Variants in TRAM1 observed in about 807,000 individuals in gnomAD.
The protein encoded by TRAM1 is translocation associated membrane protein 1, also known as translocating chain-associated membrane protein 1.
Under a neutral mutation model 48.7 loss-of-function variants are expected in TRAM1, and 17 were observed. The observed-to-expected ratio is 0.35, with a 90% confidence interval of 0.24 to 0.52. The LOEUF is 0.52. Among genes scored for constraint, TRAM1 ranks in the 20% least tolerant of loss-of-function variants. The pLI is 0.94. For missense variants in TRAM1, 351 were observed against 441.5 expected, an observed-to-expected ratio of 0.79 and a Z score of 1.84; for synonymous variants, 182 against 154.0, an observed-to-expected ratio of 1.18 and a Z score of -1.34.
intron 10 of TRAM1, among the ~76,000 whole-genome samples, chr8:70,575,625 G>A (rs542220909): frequency 1.2e-4 from 19 of 152,146 alleles, no homozygotes; most frequent in Admixed American, 5.2e-4. Flanking sequence ...ATGGAGTAGC[G>A]TATGTGTGAC....
intron 6 of TRAM1, among the ~76,000 whole-genome samples, chr8:70,589,711 G>T (rs1020228232): frequency 6.6e-6 from 1 of 152,094 alleles, no homozygotes; most frequent in Non-Finnish European, 1.5e-5. Flanking sequence ...AGTGGTGCAT[G>T]CCTGTACTTC....
intron 5 of TRAM1, 91 bp from the exon 6 acceptor site, chr8:70,594,681 T>C (rs1437249773): frequency 2.0e-6 from 2 of 975,874 alleles, no homozygotes; most frequent in Non-Finnish European, 3.0e-6. Context: ...ATATACTAAG[T>C]AACTACCTTT....
At chr8:70,595,038 GT>G (rs11464494) in intron 5 of TRAM1, among the ~76,000 whole-genome samples, 10,323 of 146,016 alleles carry the variant, frequency 0.071, 399 homozygotes, top group Non-Finnish European at 0.079. Flanking sequence ...AATATCCTCT[GT>G]TTTTTTTTTT....
intron 10 of TRAM1, among the ~76,000 whole-genome samples, 164 bp from the exon 11 acceptor site, chr8:70,575,169 AAC>A (rs1349959107): frequency 1.3e-5 from 2 of 152,222 alleles, no homozygotes; most frequent in African/African-American, 4.8e-5. Flanking sequence ...TAACATTTTT[AAC>A]ACAATGAACT....
rs1817137910 is a variant in TRAM1, at chr8:70,583,765, A to G, written c.775T>C (p.Leu259=). Residue 259 remains leucine, a synonymous_variant, in exon 9 of 11, where the codon TTG becomes CTG. Coordinates refer to ENST00000262213, the MANE Select transcript of TRAM1 (RefSeq NM_014294.6). ...GFSLWAVLFV[L]GRLLTLILSV... is the part of the protein sequence containing the mutation. ...AGAATTAAAGTCAGAAGTCTTCCCA[A>G]AACAAAAAGAACTGCCCACAGAGAA... The G allele has an allele frequency of 1.9e-6, 3 of 1,572,312 alleles. No individual in the cohort carries two copies. Among genetic ancestry groups the G allele is most frequent in the Admixed American group, 4.0e-5 (2 of 49,912 alleles).
intron 1 of TRAM1, among the ~76,000 whole-genome samples, chr8:70,603,117 A>G (rs1266806168): frequency 6.6e-6 from 1 of 152,164 alleles, no homozygotes; most frequent in Non-Finnish European, 1.5e-5. Flanking sequence ...GGTCATTAAC[A>G]AGGACTCATT....
intron 10 of TRAM1, among the ~76,000 whole-genome samples, chr8:70,575,528 C>T (rs900876438): frequency 6.6e-6 from 1 of 152,006 alleles, no homozygotes; most frequent in Non-Finnish European, 1.5e-5. Context: ...CAGTGATGCT[C>T]CCGGGGACCT....
Position 70,586,884 on chromosome 8 carries a change from A to T in TRAM1, c.746+11T>A. The T allele has an allele frequency of 6.2e-7, 1 of 1,609,694 alleles. No homozygotes were observed. Among genetic ancestry groups the T allele is most frequent in the Non-Finnish European group, 8.5e-7 (1 of 1,176,280 alleles). ...CTAGTACACGAGAAATAGAATGGCTAAACAACTTACCCTTTCTGATACTTT... is the reference window on the plus strand; with the variant it reads ...CTAGTACACGAGAAATAGAATGGCTTAACAACTTACCCTTTCTGATACTTT... On this transcript the variant is annotated intron_variant, in intron 8 of 10. Transcript: ENST00000262213.
intron 1 of TRAM1, among the ~76,000 whole-genome samples, chr8:70,601,953 T>A (rs555322098): frequency 1.6e-4 from 24 of 152,146 alleles, no homozygotes; most frequent in South Asian, 2.1e-4. Context: ...ATAAATCATA[T>A]ATGGAGAGTG....
At position 70,608,296 on chromosome 8, in the gene TRAM1, A is replaced by C. The variant is rs1586770868; in HGVS notation, c.-97T>G. On this transcript the variant is annotated 5_prime_UTR_variant, in exon 1 of 11. Coordinates refer to ENST00000262213, the MANE Select transcript of TRAM1 (RefSeq NM_014294.6). The stretch of plus-strand genomic sequence containing the variant: ...CGCCGCCTCCCGCTGGCTGCTCCTC[A>C]CGGCCCCGCTGCAGCCGCTCGCTGG... The C allele has an allele frequency of 1.4e-6, 2 of 1,425,130 alleles. No homozygotes were observed. The allele number at this position is 1,425,130 out of a possible 1,614,324, so 88.3% of individuals were successfully genotyped here. A position where few individuals can be genotyped will look rare whatever the true frequency, so the allele number is the denominator to read the frequency against.
rs954360086 is a variant in TRAM1, at chr8:70,608,309, A to C, written c.-110T>G. The C allele has an allele frequency of 1.4e-6, 2 of 1,396,514 alleles. No homozygotes were observed. Among genetic ancestry groups the C allele is most frequent in the Non-Finnish European group, 1.9e-6 (2 of 1,065,328 alleles). The allele number at this position is 1,396,514 out of a possible 1,614,324, so 86.5% of individuals were successfully genotyped here. On this transcript the variant is annotated 5_prime_UTR_variant, in exon 1 of 11. Transcript: ENST00000262213. ...TGGCTGCTCCTCACGGCCCCGCTGC[A>C]GCCGCTCGCTGGGGCTTCACTTCCC... is the stretch of plus-strand genomic sequence containing the variant.
At chr8:70,590,592 G>A (rs1448989973) in intron 6 of TRAM1, among the ~76,000 whole-genome samples, 1 of 152,168 alleles carries the variant, frequency 6.6e-6, no homozygotes, top group Admixed American at 6.5e-5. Context: ...TCCAACTCCA[G>A]GGCTCAAGTG....
chr8:70,600,146 G>A, intron 1 of TRAM1, 64 bp from the exon 2 acceptor site: 2 of 1,285,028 alleles, frequency 1.6e-6, no homozygotes, highest in Non-Finnish European at 2.2e-6. Flanking sequence ...ACAGATCGGG[G>A]CAAAAACATT....
At position 70,586,919 on chromosome 8, in the gene TRAM1, A is replaced by G; in HGVS notation, c.722T>C (p.Phe241Ser). 1 of 1,613,858 alleles carries G rather than the reference A, an allele frequency of 6.2e-7. No individual in the cohort carries two copies. Among genetic ancestry groups the G allele is most frequent in the Non-Finnish European group, 8.5e-7 (1 of 1,179,862 alleles). Residue 241 changes from phenylalanine (F) to serine (S), a missense_variant, in exon 8 of 11, where the codon TTT becomes TCT. Coordinates refer to ENST00000262213, the MANE Select transcript of TRAM1 (RefSeq NM_014294.6). ...FLFHISRLFY[F>S]SNEKYQKGFS... ...CCCTTTCTGATACTTTTCATTGCTA[A>G]AATAAAACAGGCGGGAAATGTGGAA...
At chr8:70,589,704 G>A (rs1241158024) in intron 6 of TRAM1, among the ~76,000 whole-genome samples, 1 of 152,098 alleles carries the variant, frequency 6.6e-6, no homozygotes, top group Non-Finnish European at 1.5e-5. Flanking sequence ...CAAGCATAGT[G>A]GTGCATGCCT....
intron 1 of TRAM1, chr8:70,607,643 C>T (rs1817774270): frequency 3.7e-6 from 1 of 268,472 alleles, no homozygotes; most frequent in Non-Finnish European, 5.7e-6. Flanking sequence ...GGGGCTGACG[C>T]TCACCGCGGC....
chr8:70,576,064 C>G (rs1244885317), intron 10 of TRAM1, among the ~76,000 whole-genome samples: 2 of 115,882 alleles, frequency 1.7e-5, no homozygotes, highest in African/African-American at 6.2e-5. Context: ...GAGCTAGACT[C>G]CATCTAAAAA....
intron 1 of TRAM1, among the ~76,000 whole-genome samples, chr8:70,600,739 A>G (rs1817590907): frequency 1.3e-5 from 2 of 152,252 alleles, no homozygotes. Flanking sequence ...ATAATACTGT[A>G]GAATAAGTGC....
intron 8 of TRAM1, among the ~76,000 whole-genome samples, chr8:70,584,358 C>T (rs964909560): frequency 1.3e-5 from 2 of 152,216 alleles, no homozygotes; most frequent in African/African-American, 4.8e-5. Flanking sequence ...ATTTAAGAGT[C>T]CCAGTTTTTG....
Sources: allele counts gnomAD v4.1 joint callset (sites outside exome capture counted in the v4.1 genomes callset), GRCh38; gene constraint gnomAD v4.1.1; transcripts MANE v1.5; gene names NCBI Gene and HGNC (gene_info 2026-07-23, HGNC 2026-07-21).